The following TOP2A variants were observed in gnomAD, a reference collection of about 807,000 sequenced individuals.
The protein encoded by TOP2A is DNA topoisomerase II alpha.
Under a neutral mutation model 187.2 loss-of-function variants are expected in TOP2A, and 68 were observed. The observed-to-expected ratio is 0.36, with a 90% CI of 0.30 to 0.44. The LOEUF is 0.44. TOP2A is among the 20% of genes least tolerant of loss of function. The pLI is 1.00. For missense variants in TOP2A, 1,196 were observed against 1,808.7 expected, an observed-to-expected ratio of 0.66 and a Z score of 6.14; for synonymous variants, 542 against 593.2, an observed-to-expected ratio of 0.91 and a Z score of 1.25.
chr17:40,404,928 A>C, intron 16 of TOP2A, 45 bp from the exon 17 acceptor site: 1 of 1,113,892 alleles, frequency 9.0e-7, no homozygotes, highest in South Asian at 1.4e-5. Context: ...CTAATAGGCT[A>C]ATAGGTTCCA....
intron 20 of TOP2A, among the ~76,000 whole-genome samples, chr17:40,401,869 G>A (rs957631442): frequency 1.3e-5 from 2 of 152,162 alleles, no homozygotes; most frequent in African/African-American, 4.8e-5. Flanking sequence ...GGCTGGAGAG[G>A]AGATGGTATG....
chr17:40,402,056 G>A (rs2035189281), intron 20 of TOP2A, among the ~76,000 whole-genome samples: 1 of 152,200 alleles, frequency 6.6e-6, no homozygotes, highest in Non-Finnish European at 1.5e-5. Flanking sequence ...GTTTAGATGA[G>A]ATGGGGGTGG....
intron 29 of TOP2A, among the ~76,000 whole-genome samples, chr17:40,393,398 T>G (rs2044528422): frequency 6.6e-6 from 1 of 151,996 alleles, no homozygotes; most frequent in Admixed American, 6.6e-5. Flanking sequence ...TAGCTAGTCA[T>G]GGTGGCGAGT....
In TOP2A at chr17:40,390,170, A is replaced by G. The variant is rs182332624; in HGVS notation, c.4268-6T>C. 192 of 1,606,684 alleles carry G rather than the reference A, an allele frequency of 1.2e-4. No homozygotes were observed. In the East Asian group the frequency reaches 3.3e-3, roughly 28 times the overall value. ...AGTGGAGGTGGAAGACTGACCTGCAATTCAATACAGGCATTTGTCACAGCT... is the reference window on the plus strand; with the variant it reads ...AGTGGAGGTGGAAGACTGACCTGCAGTTCAATACAGGCATTTGTCACAGCT... On this transcript the variant is annotated splice_region_variant and splice_polypyrimidine_tract_variant and intron_variant, in intron 33 of 34. Transcript: ENST00000423485.
At position 40,392,074 on chromosome 17, in the gene TOP2A, C is replaced by G. The variant is rs375032248; in HGVS notation, c.4126G>C (p.Val1376Leu). 1.9e-6 allele frequency: 3 copies of G among 1,611,760 alleles called. No individual in the cohort carries two copies. The highest frequency in any genetic ancestry group is 2.5e-6 in the Non-Finnish European group (3 of 1,179,170). The change falls in exon 32 of 35, where the codon GTG becomes CTG. Residue 1376 changes from valine to leucine, a missense_variant. By Grantham distance (32) the Val-to-Leu change is conservative (BLOSUM62 1). Coordinates refer to ENST00000423485, the MANE Select transcript of TOP2A (RefSeq NM_001067.4). ...CTTTTACTTAAATACATACCTGACA[C>G]GACACTTTTCTGTGGTTTCAGTTCT... Reference protein sequence around the residue: ...NKELKPQKSVVSDLEADDVKG... With the variant: ...NKELKPQKSVLSDLEADDVKG...
In TOP2A at chr17:40,395,439, G is replaced by T; in HGVS notation, c.3811+10C>A. 6.4e-7 allele frequency: 1 copy of T among 1,569,518 alleles called. No homozygotes were observed. Among genetic ancestry groups the T allele is most frequent in the South Asian group, 1.1e-5 (1 of 87,840 alleles). ...CACTTTATACCATTTTTCTAAAAAT[G>T]TTGTAATACCTGGTTCTCTTTTCTG... On this transcript the variant is annotated intron_variant, in intron 29 of 34. Coordinates refer to ENST00000423485, the MANE Select transcript of TOP2A (RefSeq NM_001067.4).
At chr17:40,392,435 A>G (rs2035036715) in intron 30 of TOP2A, 94 bp from the exon 31 acceptor site, 2 of 1,484,872 alleles carry the variant, frequency 1.3e-6, no homozygotes, top group African/African-American at 2.8e-5. Flanking sequence ...TTTAGTTTTT[A>G]AATCTCCTGA....
chr17:40,413,029 T>C, intron 6 of TOP2A, 58 bp from the exon 7 acceptor site: 2 of 1,428,502 alleles, frequency 1.4e-6, no homozygotes, highest in Non-Finnish European at 1.9e-6. Flanking sequence ...AAACTGGAAG[T>C]AAATAACATA....
In TOP2A at chr17:40,408,445, TAAC is replaced by T. The variant is rs757564704; in HGVS notation, c.1342+44_1342+46del. The stretch of plus-strand genomic sequence containing the variant: ...CGTGGTATGCCATTAATGAATAAAA[TAAC>T]AACTATAAGACTTAAAAGTTTGGAA... On this transcript the variant is annotated intron_variant, in intron 11 of 34. Transcript: ENST00000423485. The T allele has an allele frequency of 1.2e-4, 184 of 1,537,112 alleles. 1 individual carries two copies. The highest frequency in any genetic ancestry group is 4.4e-4 in the South Asian group (36 of 81,492).
At chr17:40,395,152 A>G (rs767569219) in intron 29 of TOP2A, among the ~76,000 whole-genome samples, 3 of 151,990 alleles carry the variant, frequency 2.0e-5, no homozygotes, top group Non-Finnish European at 4.4e-5. Context: ...GCGTGGTGGC[A>G]TGCACCTATA....
intron 19 of TOP2A, 63 bp from the exon 20 acceptor site, chr17:40,403,117 A>C: frequency 6.9e-7 from 1 of 1,448,858 alleles, no homozygotes; most frequent in Non-Finnish European, 9.4e-7. Flanking sequence ...TTATGACTTA[A>C]CCTCACTATA....
chr17:40,394,492 T>TCC (rs2035065668), intron 29 of TOP2A, among the ~76,000 whole-genome samples: 1 of 152,006 alleles, frequency 6.6e-6, no homozygotes, highest in Non-Finnish European at 1.5e-5. Context: ...ACCACCACAC[T>TCC]CAACTAATTT....
At chr17:40,409,194 CAAAAAAAAAAAAA>C in intron 10 of TOP2A, 2 of 73,154 alleles carry the variant, frequency 2.7e-5, no homozygotes, top group South Asian at 8.9e-5. Flanking sequence ...AACTCCGTCT[CAAAAAAAAAAAAA>C]AAAAAAAAAA....
Position 40,389,464 on chromosome 17 carries a change from T to G in TOP2A, c.*55A>C. The G allele has an allele frequency of 6.5e-7, 1 of 1,541,904 alleles. No individual in the cohort carries two copies. The highest frequency in any genetic ancestry group is 8.8e-7 in the Non-Finnish European group (1 of 1,141,726). On this transcript the variant is annotated 3_prime_UTR_variant, in exon 35 of 35. Transcript: ENST00000423485. ...AGGAAGTTAAGAGCTTCAGGTAACTTTAAAACCAGTCTTGGGCTTGGTAAG... is the reference window on the plus strand; with the variant it reads ...AGGAAGTTAAGAGCTTCAGGTAACTGTAAAACCAGTCTTGGGCTTGGTAAG...
chr17:40,401,160 T>G (rs1204534837), intron 20 of TOP2A, 79 bp from the exon 21 acceptor site: 1 of 1,221,086 alleles, frequency 8.2e-7, no homozygotes, highest in Non-Finnish European at 1.1e-6. Flanking sequence ...GGACATGTAT[T>G]ATACATGAAA....
In TOP2A at chr17:40,417,607, C is replaced by A. The variant is rs977488900; in HGVS notation, c.21+164G>T. The A allele has an allele frequency of 2.1e-5, 31 of 1,483,092 alleles. No homozygotes were observed. The Admixed American group carries it at 7.0e-4, about 33-fold the overall frequency. 91.9% of individuals were successfully genotyped at this position (1,483,092 alleles called of 1,614,324 possible). On this transcript the variant is annotated intron_variant, in intron 1 of 34. Coordinates refer to ENST00000423485, the MANE Select transcript of TOP2A (RefSeq NM_001067.4). Reference sequence around the variant, plus strand: ...ACTTCACTACTAGCACCAGAAGGGGCTTCCGCCTCTCCACGATCACCCCGG... The same window carrying A: ...ACTTCACTACTAGCACCAGAAGGGGATTCCGCCTCTCCACGATCACCCCGG...
At chr17:40,400,829 T>C (rs201495279) in intron 21 of TOP2A, 21 bp downstream of exon 21, 1 of 1,611,038 alleles carries the variant, frequency 6.2e-7, no homozygotes, top group Non-Finnish European at 8.5e-7. Flanking sequence ...TTAAGGCTCT[T>C]AACACACACA....
In TOP2A at chr17:40,400,839, A is replaced by C. The variant is rs752877239; in HGVS notation, c.2664+11T>G. Reference sequence around the variant, plus strand: ...AAAAGTTAAGGCTCTTAACACACACAGAATACTTACCATTGGCAAAGGTTC... The same window carrying C: ...AAAAGTTAAGGCTCTTAACACACACCGAATACTTACCATTGGCAAAGGTTC... On this transcript the variant is annotated intron_variant, in intron 21 of 34. Transcript: ENST00000423485. 12 of 1,612,712 alleles carry C rather than the reference A, an allele frequency of 7.4e-6. No homozygotes were observed. In the African/African-American group the frequency reaches 1.5e-4, roughly 20 times the overall value.
At chr17:40,395,982 C>T (rs965770491) in intron 28 of TOP2A, among the ~76,000 whole-genome samples, 4 of 62,774 alleles carry the variant, frequency 6.4e-5, no homozygotes, top group African/African-American at 3.4e-4. Flanking sequence ...AAGAGTATTA[C>T]CTCTTTTTTT....
Sources: gnomAD v4.1 joint callset for allele counts (sites outside exome capture counted in the v4.1 genomes callset) on GRCh38, gnomAD v4.1.1 for gene constraint, MANE v1.5 for transcripts, NCBI Gene and HGNC (gene_info 2026-07-23, HGNC 2026-07-21) for gene names.